The following NUP160 variants were observed in gnomAD, a reference collection of about 807,000 sequenced individuals.
NUP160 encodes nucleoporin 160.
NUP160 carries 94 observed loss-of-function variants against 196.9 expected under a neutral mutation model. That is an observed-to-expected ratio of 0.48 (90% CI 0.40 to 0.57). The LOEUF is 0.57. Ranked by LOEUF, NUP160 falls within the 20% of genes least tolerant of loss-of-function variation. The pLI, the probability that NUP160 is intolerant of heterozygous loss-of-function variation, is 0.00. For missense variants in NUP160, 1,638 were observed against 1,748.3 expected, an observed-to-expected ratio of 0.94 and a Z score of 1.13; for synonymous variants, 605 against 619.7, an observed-to-expected ratio of 0.98 and a Z score of 0.35.
At chr11:47,801,300 T>C (rs2097674009) in intron 23 of NUP160, among the ~76,000 whole-genome samples, 1 of 152,224 alleles carries the variant, frequency 6.6e-6, no homozygotes, top group Non-Finnish European at 1.5e-5. Context: ...CATTTAACCC[T>C]AATTATAGAT....
intron 28 of NUP160, 54 bp downstream of exon 28, chr11:47,792,732 G>T: frequency 2.0e-6 from 3 of 1,465,830 alleles, no homozygotes; most frequent in Non-Finnish European, 2.8e-6. Context: ...AAAACAAGTA[G>T]ATTTACTTGT....
chr11:47,797,340 GCAATT>G (rs1409144934), intron 27 of NUP160, among the ~76,000 whole-genome samples: 3 of 152,024 alleles, frequency 2.0e-5, no homozygotes, highest in Admixed American at 6.6e-5. Flanking sequence ...CCCTGTTCAA[GCAATT>G]CTCCTGCCTC....
At chr11:47,818,986 G>A (rs776416046) in intron 10 of NUP160, among the ~76,000 whole-genome samples, 4 of 151,926 alleles carry the variant, frequency 2.6e-5, no homozygotes, top group Non-Finnish European at 5.9e-5. Flanking sequence ...TCAACTGAAA[G>A]CTTTTTTATT....
chr11:47,780,392 T>C, exon 35 of NUP160: 1 of 1,613,878 alleles, frequency 6.2e-7, no homozygotes, highest in Non-Finnish European at 8.5e-7. Flanking sequence ...TTGGAGAAGC[T>C]GATCAATAGA....
intron 29 of NUP160, among the ~76,000 whole-genome samples, chr11:47,789,789 C>G (rs894740078): frequency 6.6e-6 from 1 of 151,944 alleles, no homozygotes; most frequent in Non-Finnish European, 1.5e-5. Flanking sequence ...TTGAACAATG[C>G]AGGGTTTAGG....
At chr11:47,794,407 G>A (rs1010985159) in intron 27 of NUP160, among the ~76,000 whole-genome samples, 1 of 152,118 alleles carries the variant, frequency 6.6e-6, no homozygotes, top group Admixed American at 6.5e-5. Context: ...CCCGGGAGGT[G>A]GAGTTTGCAG....
At chr11:47,828,531 C>G (rs1297816027) in intron 7 of NUP160, among the ~76,000 whole-genome samples, 1 of 152,052 alleles carries the variant, frequency 6.6e-6, no homozygotes, top group African/African-American at 2.4e-5. Context: ...TCTATAGAGG[C>G]AACACAATTT....
intron 33 of NUP160, among the ~76,000 whole-genome samples, chr11:47,784,354 G>A (rs2097663304): frequency 6.6e-6 from 1 of 152,128 alleles, no homozygotes; most frequent in Admixed American, 6.6e-5. Flanking sequence ...GGAACCAATC[G>A]GAAACTGGTT....
chr11:47,826,590 T>C (rs1363120239), intron 7 of NUP160, among the ~76,000 whole-genome samples: 1 of 140,128 alleles, frequency 7.1e-6, no homozygotes. Context: ...TGAGACAGAG[T>C]CTCTCTCTGT....
At chr11:47,843,191 T>C (rs545487901) in intron 2 of NUP160, among the ~76,000 whole-genome samples, 3 of 152,176 alleles carry the variant, frequency 2.0e-5, no homozygotes, top group Non-Finnish European at 4.4e-5. Context: ...GCTTCCCTTA[T>C]AGCAATACAC....
At chr11:47,819,312 CA>C (rs398040227) in intron 10 of NUP160, 61 bp downstream of exon 10, 122,989 of 1,003,082 alleles carry the variant, frequency 0.12, 2 homozygotes, top group South Asian at 0.17. Flanking sequence ...GACTCTGTCT[CA>C]AAAAAAAAAA....
intron 27 of NUP160, among the ~76,000 whole-genome samples, chr11:47,793,159 TG>T (rs1158872360): frequency 6.6e-6 from 1 of 152,038 alleles, no homozygotes; most frequent in East Asian, 1.9e-4. Context: ...GGCTAATTTT[TG>T]TATTTTTGGT....
At chr11:47,818,952 T>A (rs1484579614) in intron 10 of NUP160, among the ~76,000 whole-genome samples, 2 of 152,186 alleles carry the variant, frequency 1.3e-5, no homozygotes, top group African/African-American at 2.4e-5. Context: ...CCATAATCTT[T>A]AATGTCATTG....
exon 19 of NUP160, chr11:47,807,130 G>A: frequency 1.2e-6 from 2 of 1,608,638 alleles, no homozygotes; most frequent in Non-Finnish European, 1.7e-6. Context: ...AAGTGTTGGA[G>A]ATTAGACTCC....
At chr11:47,806,790 T>TATACACACACACACAC (rs1296127312) in intron 19 of NUP160, among the ~76,000 whole-genome samples, 1 of 111,846 alleles carries the variant, frequency 8.9e-6, no homozygotes, top group Non-Finnish European at 1.9e-5. Context: ...AAAGCAGCTA[T>TATACACACACACACAC]ACACACACAC....
intron 7 of NUP160, among the ~76,000 whole-genome samples, chr11:47,823,795 A>G (rs775147408): frequency 6.6e-5 from 10 of 151,782 alleles, no homozygotes; most frequent in Admixed American, 4.6e-4. Flanking sequence ...TCAGCCTCCT[A>G]AAGTGCTGGG....
intron 7 of NUP160, among the ~76,000 whole-genome samples, chr11:47,834,734 T>C (rs1852141847): frequency 1.3e-5 from 2 of 151,994 alleles, no homozygotes; most frequent in Non-Finnish European, 2.9e-5. Context: ...AGGGCGTGCA[T>C]GCAGGGGTGA....
At chr11:47,835,871 T>C (rs2135398572) in intron 6 of NUP160, 62 bp from the exon 7 acceptor site, 3 of 1,299,572 alleles carry the variant, frequency 2.3e-6, no homozygotes, top group Non-Finnish European at 3.2e-6. Context: ...AGAACATACC[T>C]TTTGAAAGGA....
chr11:47,844,919 A>C (rs1428242641), intron 2 of NUP160, among the ~76,000 whole-genome samples: 2 of 152,134 alleles, frequency 1.3e-5, no homozygotes, highest in Non-Finnish European at 2.9e-5. Flanking sequence ...ACCAAAACCA[A>C]AATGGCGACA....
Sources: gnomAD v4.1 joint callset for allele counts (sites outside exome capture counted in the v4.1 genomes callset) on GRCh38, gnomAD v4.1.1 for gene constraint, MANE v1.5 for transcripts, NCBI Gene and HGNC (gene_info 2026-07-23, HGNC 2026-07-21) for gene names.